Variants in GALNT18 observed in about 807,000 individuals in gnomAD.
The protein encoded by GALNT18 is GalNAc-transferase 18.
A neutral mutation model predicts 69.5 loss-of-function variants in GALNT18; 44 were observed. The observed-to-expected ratio is 0.63, with a 90% confidence interval of 0.50 to 0.81. The LOEUF (loss-of-function observed/expected upper bound fraction) is 0.81, where lower values mean the gene tolerates loss of function less well. Among genes scored for constraint, GALNT18 ranks in the 40% least tolerant of loss-of-function variants. GALNT18 has a pLI of 0.00. For missense variants in GALNT18, 715 were observed against 810.0 expected (o/e 0.88, Z 1.42); for synonymous variants, 364 against 318.2 (o/e 1.14, Z -1.53).
intron 9 of GALNT18, among the ~76,000 whole-genome samples, chr11:11,308,393 C>T (rs139701410): frequency 6.6e-6 from 1 of 152,274 alleles, no homozygotes; most frequent in East Asian, 1.9e-4. Context: ...CTTATCCTCA[C>T]TCCACCCCTG....
In GALNT18 at chr11:11,358,622, C is replaced by T. The variant is rs1441497330; in HGVS notation, c.1092+13893G>A. On this transcript the variant is annotated intron_variant, in intron 6 of 10. Coordinates refer to ENST00000227756, the MANE Select transcript of GALNT18 (RefSeq NM_198516.3). ...AAATTCCCTTTGGAAGCACAAAGGC[C>T]TGCAAGCTTGAAATCTGTTTGGTGT... Among the ~76,000 whole-genome samples the T allele has an allele frequency of 1.4e-5, 2 of 140,196 alleles. 1 individual carries two copies. The highest frequency in any genetic ancestry group is 3.2e-5 in the Non-Finnish European group (2 of 62,794). 92.0% of individuals were successfully genotyped at this position (140,196 alleles called of 152,430 possible).
chr11:11,486,599 C>A, intron 1 of GALNT18, among the ~76,000 whole-genome samples: 1 of 152,224 alleles, frequency 6.6e-6, no homozygotes, highest in Non-Finnish European at 1.5e-5. Flanking sequence ...TTTATTACAT[C>A]CATACTGACA....
At chr11:11,594,460 G>C (rs942125367) in intron 1 of GALNT18, among the ~76,000 whole-genome samples, 4 of 152,070 alleles carry the variant, frequency 2.6e-5, no homozygotes, top group African/African-American at 9.7e-5. Flanking sequence ...CCCACTAGCA[G>C]TCATTCCCTA....
Position 11,524,176 on chromosome 11 carries a change from A to G in GALNT18, c.236-75240T>C, listed in dbSNP as rs548440557. Reference sequence around the variant, plus strand: ...CAGCCTCTCTTCCTACCAAGACTCAAAAAGTAGGGAATTTCCCAAACATAA... The same window carrying G: ...CAGCCTCTCTTCCTACCAAGACTCAGAAAGTAGGGAATTTCCCAAACATAA... On this transcript the variant is annotated intron_variant, in intron 1 of 10. Transcript: ENST00000227756. 2.6e-5 allele frequency among the ~76,000 whole-genome samples: 4 copies of G among 152,264 alleles called. No individual in the cohort carries two copies. The East Asian group carries it at 7.7e-4, about 29-fold the overall frequency.
chr11:11,490,753 A>G (rs1856753641), intron 1 of GALNT18, among the ~76,000 whole-genome samples: 1 of 152,206 alleles, frequency 6.6e-6, no homozygotes, highest in Admixed American at 6.5e-5. Flanking sequence ...CTGTCCTGGC[A>G]GATGTAACCA....
chr11:11,572,552 C>G (rs951439665), intron 1 of GALNT18, among the ~76,000 whole-genome samples: 1 of 152,140 alleles, frequency 6.6e-6, no homozygotes. Flanking sequence ...TACAGTCGCT[C>G]CTGGCCAGTG....
chr11:11,530,638 A>T (rs1857625166), intron 1 of GALNT18, among the ~76,000 whole-genome samples: 1 of 152,242 alleles, frequency 6.6e-6, no homozygotes, highest in Non-Finnish European at 1.5e-5. Context: ...TAGAGCTGGG[A>T]CTGGAGGCCA....
Position 11,463,229 on chromosome 11 carries a change from G to C in GALNT18, c.236-14293C>G, listed in dbSNP as rs961608428. Among the ~76,000 whole-genome samples the C allele has an allele frequency of 2.0e-5, 3 of 151,286 alleles. No homozygotes were observed. The highest frequency in any genetic ancestry group is 4.9e-5 in the African/African-American group (2 of 40,866). On this transcript the variant is annotated intron_variant, in intron 1 of 10. Transcript: ENST00000227756. The surrounding 1 kb of genome is among the most constrained non-coding windows in gnomAD (Gnocchi z 4.2). The stretch of plus-strand genomic sequence containing the variant: ...AGACAGACACACACACACACACAGA[G>C]AGAGAGAGAGAGAGTTCCAGAAGCC...
At chr11:11,532,371 G>A (rs182999398) in intron 1 of GALNT18, among the ~76,000 whole-genome samples, 1 of 152,218 alleles carries the variant, frequency 6.6e-6, no homozygotes, top group Non-Finnish European at 1.5e-5. Flanking sequence ...CAGAGTCTTC[G>A]GATAACTATC....
chr11:11,457,851 A>G (rs926660223), intron 1 of GALNT18, among the ~76,000 whole-genome samples: 6 of 152,238 alleles, frequency 3.9e-5, no homozygotes, highest in Non-Finnish European at 8.8e-5. Context: ...TTTGTCCTGC[A>G]GCCAGTTCTG....
rs1849714246 is a variant in GALNT18, at chr11:11,314,184, A to C, written c.1512+12902T>G. 6.6e-6 allele frequency among the ~76,000 whole-genome samples: 1 copy of C among 152,096 alleles called. No homozygotes were observed. The highest frequency in any genetic ancestry group is 6.5e-5 in the Admixed American group (1 of 15,274). ...AGACTGTCCAAAGAACGGTGGGTGG[A>C]GGGCAAGAGACTCAGCCCCTCTCTG... On this transcript the variant is annotated intron_variant, in intron 9 of 10. Coordinates refer to ENST00000227756, the MANE Select transcript of GALNT18 (RefSeq NM_198516.3). The surrounding 1 kb of genome is among the most constrained non-coding windows in gnomAD (Gnocchi z 5.2).
intron 6 of GALNT18, among the ~76,000 whole-genome samples, chr11:11,367,180 C>T (rs1427598619): frequency 1.3e-5 from 2 of 152,056 alleles, no homozygotes; most frequent in African/African-American, 4.8e-5. Flanking sequence ...TGTGATGAGG[C>T]TTAGAAGAAG....
chr11:11,453,026 C>G (rs1017051871), intron 1 of GALNT18, among the ~76,000 whole-genome samples: 1 of 152,142 alleles, frequency 6.6e-6, no homozygotes, highest in South Asian at 2.1e-4. Flanking sequence ...GGCTGTTACT[C>G]GCCCCCTGCC....
chr11:11,518,973 C>T (rs1442641827), intron 1 of GALNT18, among the ~76,000 whole-genome samples: 3 of 152,210 alleles, frequency 2.0e-5, no homozygotes, highest in Non-Finnish European at 4.4e-5. Flanking sequence ...GCTAAAAGAT[C>T]ATGCCAGCCT....
chr11:11,529,938 A>T (rs4910375), intron 1 of GALNT18, among the ~76,000 whole-genome samples: 34,845 of 151,970 alleles, frequency 0.23, 4,444 homozygotes, highest in Non-Finnish European at 0.27. Flanking sequence ...ATCTTTCTGA[A>T]GTTCTTCAGA....
Position 11,480,251 on chromosome 11 carries a change from CCT to C in GALNT18, c.236-31317_236-31316del, listed in dbSNP as rs199944459. On this transcript the variant is annotated intron_variant, in intron 1 of 10. Coordinates refer to ENST00000227756, the MANE Select transcript of GALNT18 (RefSeq NM_198516.3). The surrounding 1 kb of genome is among the most constrained non-coding windows in gnomAD (Gnocchi z 4.6). ...TTATTTCTTTCTTTCTTCCTTCCTT[CCT>C]CTCTCTCTCTCTTTCTCTCTCTCTC... is the stretch of plus-strand genomic sequence containing the variant. 5.8e-3 allele frequency among the ~76,000 whole-genome samples: 863 copies of C among 149,656 alleles called. 9 individuals carry two copies. The highest frequency in any genetic ancestry group is 0.021 in the African/African-American group (820 of 39,614).
chr11:11,326,990 C>T (rs1170977939), intron 9 of GALNT18, 96 bp downstream of exon 9: 2 of 899,910 alleles, frequency 2.2e-6, no homozygotes, highest in African/African-American at 1.6e-5. Context: ...ATGACAGAGC[C>T]TAGCTCTCCT....
In GALNT18 at chr11:11,621,615, A is replaced by G; in HGVS notation, c.-22T>C. On this transcript the variant is annotated 5_prime_UTR_variant, in exon 1 of 11. Coordinates refer to ENST00000227756, the MANE Select transcript of GALNT18 (RefSeq NM_198516.3). The surrounding 1 kb of genome is among the most constrained non-coding windows in gnomAD (Gnocchi z 9.3). ...CCATTCTGGGCTCCTTCCTCCATAT[A>G]GAGCTCCCGGGGGCCCTTCCTTGTC... The G allele has an allele frequency of 6.5e-7, 1 of 1,539,318 alleles. No individual in the cohort carries two copies. Among genetic ancestry groups the G allele is most frequent in the Non-Finnish European group, 8.8e-7 (1 of 1,132,766 alleles).
At chr11:11,367,098 AG>A (rs1367005198) in intron 6 of GALNT18, among the ~76,000 whole-genome samples, 1 of 152,148 alleles carries the variant, frequency 6.6e-6, no homozygotes, top group Non-Finnish European at 1.5e-5. Flanking sequence ...CTCCTGTCCT[AG>A]ATGTAACTCA....
Sources: allele counts gnomAD v4.1 joint callset (sites outside exome capture counted in the v4.1 genomes callset), GRCh38; gene constraint gnomAD v4.1.1; non-coding constraint Gnocchi (gnomAD v3.1); transcripts MANE v1.5; gene names NCBI Gene and HGNC (gene_info 2026-07-23, HGNC 2026-07-21).